Variants in ARHGEF4 observed in about 807,000 individuals in gnomAD.
The protein encoded by ARHGEF4 is APC-stimulated guanine nucleotide exchange factor 1.
Under a neutral mutation model 162.0 loss-of-function variants are expected in ARHGEF4, and 119 were observed. The observed-to-expected ratio is 0.73, with a 90% CI of 0.63 to 0.86. The LOEUF is 0.86. Ranked by LOEUF, ARHGEF4 falls within the 40% of genes least tolerant of loss-of-function variation. The pLI is 0.00. For missense variants in ARHGEF4, 2,488 were observed against 2,456.0 expected (o/e 1.01, Z -0.28); for synonymous variants, 1,014 against 979.9 (o/e 1.03, Z -0.65).
chr2:130,966,741 A>G (rs1685030941), intron 4 of ARHGEF4, among the ~76,000 whole-genome samples: 1 of 152,224 alleles, frequency 6.6e-6, no homozygotes, highest in Admixed American at 6.5e-5. Flanking sequence ...TCATTCAACA[A>G]TCATGGCTTT....
chr2:130,922,089 G>T (rs139848979), intron 2 of ARHGEF4, among the ~76,000 whole-genome samples: 2 of 151,840 alleles, frequency 1.3e-5, no homozygotes, highest in East Asian at 3.9e-4. Context: ...GTTTATTCAG[G>T]CCGGGCGCAG....
intron 4 of ARHGEF4, among the ~76,000 whole-genome samples, chr2:130,979,246 T>G (rs373483899): frequency 3.3e-4 from 51 of 152,310 alleles, no homozygotes; most frequent in African/African-American, 1.2e-3. Context: ...AGGAATCTCA[T>G]ATAATCCTAG....
chr2:130,967,620 A>G (rs1006068179), intron 4 of ARHGEF4, among the ~76,000 whole-genome samples: 20 of 152,196 alleles, frequency 1.3e-4, no homozygotes, highest in African/African-American at 4.8e-4. Context: ...CCACACATTT[A>G]TTTAACACCT....
rs1573701208 is a variant in ARHGEF4, at chr2:131,040,201, C to T, written c.4482+9C>T. 1.9e-6 allele frequency: 3 copies of T among 1,608,900 alleles called. No homozygotes were observed. The highest frequency in any genetic ancestry group is 2.2e-5 in the South Asian group (2 of 90,726). On this transcript the variant is annotated intron_variant, in intron 7 of 13. Transcript: ENST00000409359. ...TGCGCGACATCTGCGAGGTGAGGCCCGGCCGGCGGGCGGTGACTGGGGACC... is the reference window on the plus strand; with the variant it reads ...TGCGCGACATCTGCGAGGTGAGGCCTGGCCGGCGGGCGGTGACTGGGGACC...
At chr2:130,907,551 G>A (rs947553787) in intron 1 of ARHGEF4, among the ~76,000 whole-genome samples, 4 of 151,838 alleles carry the variant, frequency 2.6e-5, no homozygotes, top group Non-Finnish European at 4.4e-5. Flanking sequence ...TTGTATTATT[G>A]TATGGATATG....
intron 13 of ARHGEF4, chr2:131,045,651 C>T: frequency 6.6e-7 from 1 of 1,512,162 alleles, no homozygotes; most frequent in South Asian, 1.3e-5. Flanking sequence ...TTCTTACTCT[C>T]AACACCTTGG....
intron 2 of ARHGEF4, among the ~76,000 whole-genome samples, chr2:130,918,144 G>A (rs2105063376): frequency 6.6e-6 from 1 of 152,018 alleles, no homozygotes; most frequent in Middle Eastern, 3.4e-3. Context: ...TCTCCACTGT[G>A]GCATTTAAAA....
chr2:130,938,917 C>G (rs1683120725), intron 3 of ARHGEF4, among the ~76,000 whole-genome samples: 1 of 152,092 alleles, frequency 6.6e-6, no homozygotes, highest in African/African-American at 2.4e-5. Flanking sequence ...TTTTGACTTT[C>G]ATTTTAGGTT....
Position 131,046,180 on chromosome 2 carries a change from C to A in ARHGEF4, c.5622C>A (p.Phe1874Leu). Reference sequence around the variant, plus strand: ...ACAGCATCAGCCGGCTGGCACCCTTCCGCAAGTGAACTGGTCCCTGCCTGA... The same window carrying A: ...ACAGCATCAGCCGGCTGGCACCCTTACGCAAGTGAACTGGTCCCTGCCTGA... ...FWHSISRLAP[F>L]RK The change falls in exon 14 of 14, where the codon TTC becomes TTA. Residue 1874 changes from phenylalanine (F) to leucine (L), a missense_variant. Phe to Leu is a conservative substitution (Grantham distance 22). Around this residue, in one of 6 missense-constraint regions of ARHGEF4, gnomAD observed 415 missense variants for 512.4 expected, o/e 0.81. Coordinates refer to ENST00000409359, the MANE Select transcript of ARHGEF4 (RefSeq NM_001367493.1). The A allele has an allele frequency of 6.2e-7, 1 of 1,611,924 alleles. No homozygotes were observed. Among genetic ancestry groups the A allele is most frequent in the Admixed American group, 1.7e-5 (1 of 59,940 alleles).
At chr2:130,868,911 G>T (rs144530358) in intron 1 of ARHGEF4, among the ~76,000 whole-genome samples, 3 of 152,190 alleles carry the variant, frequency 2.0e-5, no homozygotes, top group African/African-American at 7.2e-5. Flanking sequence ...TGGCACCCCC[G>T]TCCTTAAAGG....
chr2:130,871,461 G>T (rs552361594), intron 1 of ARHGEF4, among the ~76,000 whole-genome samples: 3 of 151,850 alleles, frequency 2.0e-5, no homozygotes, highest in African/African-American at 4.8e-5. Flanking sequence ...GCTTGAACCC[G>T]GGAGGCAGAG....
At position 131,038,901 on chromosome 2, in the gene ARHGEF4, G is replaced by A. The variant is rs766745776; in HGVS notation, c.4174G>A (p.Val1392Ile). Residue 1392 changes from valine (V) to isoleucine (I), a missense_variant, in exon 6 of 14, where the codon GTC (valine) becomes ATC (isoleucine). Around this residue, in one of 6 missense-constraint regions of ARHGEF4, gnomAD observed 174 missense variants for 148.3 expected, o/e 1.17. Coordinates refer to ENST00000409359, the MANE Select transcript of ARHGEF4 (RefSeq NM_001367493.1). ...CTGCGCTGAAGCACTCTGGGACCAT[G>A]TCACCATGGACGACCAGGAGCTGGG... ...VVCAEALWDH[V>I]TMDDQELGFK... The A allele has an allele frequency of 7.4e-6, 12 of 1,613,442 alleles. No individual in the cohort carries two copies. The Admixed American group carries it at 1.2e-4, about 16-fold the overall frequency.
intron 1 of ARHGEF4, among the ~76,000 whole-genome samples, chr2:130,886,891 A>T (rs999016046): frequency 8.6e-5 from 13 of 151,830 alleles, no homozygotes; most frequent in Non-Finnish European, 1.9e-4. Flanking sequence ...TTTGTTGAAA[A>T]GACTGTCCTT....
intron 1 of ARHGEF4, among the ~76,000 whole-genome samples, chr2:130,908,456 C>T (rs985983193): frequency 2.0e-5 from 3 of 152,160 alleles, no homozygotes; most frequent in Admixed American, 1.3e-4. Flanking sequence ...GCGGGTGGAT[C>T]ACGAGGTCAG....
At chr2:130,992,097 G>A (rs990023765) in intron 4 of ARHGEF4, among the ~76,000 whole-genome samples, 2 of 152,172 alleles carry the variant, frequency 1.3e-5, no homozygotes, top group Non-Finnish European at 2.9e-5. Flanking sequence ...GAGAACCTTT[G>A]TGTCCATACT....
At chr2:130,902,455 A>G (rs528356895) in intron 1 of ARHGEF4, among the ~76,000 whole-genome samples, 100 of 152,228 alleles carry the variant, frequency 6.6e-4, no homozygotes, top group African/African-American at 2.2e-3. Context: ...TTAGTTGGGC[A>G]TGGTGGCAGG....
intron 1 of ARHGEF4, among the ~76,000 whole-genome samples, chr2:130,871,008 T>C (rs1463852322): frequency 6.6e-6 from 1 of 152,096 alleles, no homozygotes; most frequent in Non-Finnish European, 1.5e-5. Flanking sequence ...CAGAGTGTGC[T>C]CAGGGGCTCC....
intron 4 of ARHGEF4, among the ~76,000 whole-genome samples, chr2:130,985,759 T>C (rs75797368): frequency 0.024 from 3,589 of 152,024 alleles, 145 homozygotes; most frequent in East Asian, 0.2. Context: ...GTGTGTGTTG[T>C]GTGTGTTTTG....
intron 11 of ARHGEF4, 127 bp from the exon 12 acceptor site, chr2:131,044,172 A>G (rs1573714809): frequency 1.4e-6 from 2 of 1,383,238 alleles, no homozygotes; most frequent in East Asian, 5.0e-5. Flanking sequence ...TCAGGATCTC[A>G]CTGTCTGCTG....
Sources: allele counts gnomAD v4.1 joint callset (sites outside exome capture counted in the v4.1 genomes callset), GRCh38; gene constraint gnomAD v4.1.1; regional missense constraint gnomAD v4.1.1; transcripts MANE v1.5; gene names NCBI Gene and HGNC (gene_info 2026-07-23, HGNC 2026-07-21).